TBC1D31: variants seen among roughly 807,000 people sequenced by gnomAD.
TBC1D31 encodes the protein TBC1 domain family member 31.
In TBC1D31, 99 loss-of-function variants were observed where a neutral mutation model predicts 132.9. That is an observed-to-expected ratio of 0.74 (90% CI 0.63 to 0.88). The LOEUF (loss-of-function observed/expected upper bound fraction) is 0.88. Among genes scored for constraint, TBC1D31 ranks in the 40% least tolerant of loss-of-function variants. TBC1D31 has a pLI of 0.00. For missense variants in TBC1D31, 1,134 were observed against 1,256.6 expected, an observed-to-expected ratio of 0.90 and a Z score of 1.48; for synonymous variants, 385 against 419.4, an observed-to-expected ratio of 0.92 and a Z score of 1.00.
intron 1 of TBC1D31, 39 bp downstream of exon 1, chr8:123,072,885 A>T (rs1032465209): frequency 1.0e-5 from 16 of 1,541,694 alleles, no homozygotes; most frequent in Non-Finnish European, 1.1e-5. Context: ...TGTGGAGGGG[A>T]TGGAGACCGG....
rs6994496 is a variant in TBC1D31 at position 123,087,228 on chromosome 8, T to C, written c.519+2888T>C. 3.7e-3 allele frequency among the ~76,000 whole-genome samples: 571 copies of C among 152,364 alleles called. 2 individuals are homozygous for C. The highest frequency in any genetic ancestry group is 0.013 in the African/African-American group (553 of 41,598). ...GGAAGGCCGTCTCCTTAACTCCCAC[T>C]GTCTTTTGGTTTTCAGGTTTTTTTT... On this transcript the variant is annotated intron_variant, in intron 4 of 21. Transcript: ENST00000287380.
chr8:123,147,255 C>T (rs1822310967), intron 20 of TBC1D31, among the ~76,000 whole-genome samples: 1 of 152,076 alleles, frequency 6.6e-6, no homozygotes, highest in Non-Finnish European at 1.5e-5. Context: ...TCACTGCAAC[C>T]TCCACCTCCT....
rs780472552 is a variant in TBC1D31 at position 123,082,730 on chromosome 8, G to A, written c.253G>A (p.Ala85Thr). 4.5e-5 allele frequency: 72 copies of A among 1,612,576 alleles called. No individual in the cohort carries two copies. The highest frequency in any genetic ancestry group is 5.3e-5 in the Non-Finnish European group (62 of 1,179,932). ...RFNLVQRTAQACTALAFNLRR... is the reference protein window; with the variant it reads ...RFNLVQRTAQTCTALAFNLRR... ...CAATCTTGTTCAGCGAACAGCACAA[G>A]CTTGCACAGCTCTGGCCTTTAATCT... The change falls in exon 3 of 22, where the codon GCT becomes ACT. Residue 85 changes from alanine to threonine, a missense_variant. Ala to Thr is a moderately conservative substitution (Grantham distance 58). Transcript: ENST00000287380.
At chr8:123,129,254 ATAAGTTAG>A in intron 15 of TBC1D31, 36 bp downstream of exon 15, 1 of 1,385,748 alleles carries the variant, frequency 7.2e-7, no homozygotes, top group Non-Finnish European at 9.6e-7. Context: ...ATCTGGACAT[ATAAGTTAG>A]TTGAATAATT....
At chr8:123,080,769 T>G (rs989542812) in intron 2 of TBC1D31, among the ~76,000 whole-genome samples, 1 of 152,136 alleles carries the variant, frequency 6.6e-6, no homozygotes, top group Non-Finnish European at 1.5e-5. Flanking sequence ...TCTCCTGACC[T>G]CGTGATCCGC....
the TBC1D31 span, among the ~76,000 whole-genome samples, chr8:123,159,278 A>G: frequency 1.7e-4 from 20 of 120,426 alleles, no homozygotes; most frequent in African/African-American, 3.5e-4. Context: ...GAAAAAAAAA[A>G]AAAAAGAAAA....
chr8:123,089,490 G>T (rs1224878457), intron 4 of TBC1D31, among the ~76,000 whole-genome samples: 1 of 152,200 alleles, frequency 6.6e-6, no homozygotes, highest in Non-Finnish European at 1.5e-5. Flanking sequence ...TAACACGCAG[G>T]CTGATTGCTT....
chr8:123,109,649 A>T, intron 10 of TBC1D31, 29 bp downstream of exon 10: 1 of 1,550,534 alleles, frequency 6.4e-7, no homozygotes. Flanking sequence ...AGCAATGTGT[A>T]TGAGACCTGT....
At chr8:123,084,441 T>C (rs1815505059) in intron 4 of TBC1D31, 101 bp downstream of exon 4, 2 of 1,169,074 alleles carry the variant, frequency 1.7e-6, no homozygotes, top group Admixed American at 4.5e-5. Flanking sequence ...ACTTTGTCCT[T>C]GTAGCTCTGT....
chr8:123,144,529 T>A (rs1416424266), intron 19 of TBC1D31, among the ~76,000 whole-genome samples, 188 bp from the exon 20 acceptor site: 1 of 152,230 alleles, frequency 6.6e-6, no homozygotes, highest in East Asian at 1.9e-4. Context: ...AACCTGCCTC[T>A]GCTTTCAAGG....
chr8:123,084,338 A>G lies in TBC1D31; in HGVS notation c.517A>G (p.Lys173Glu). 1.9e-6 allele frequency: 3 copies of G among 1,613,930 alleles called. No homozygotes were observed. The highest frequency in any genetic ancestry group is 2.5e-6 in the Non-Finnish European group (3 of 1,179,846). Residue 173 changes from lysine (K) to glutamate (E), a missense_variant and splice_region_variant, in exon 4 of 22, where the codon AAG becomes GAG. Physicochemically the swap from Lys to Glu is moderately conservative, Grantham distance 56 (BLOSUM62 1). Coordinates refer to ENST00000287380, the MANE Select transcript of TBC1D31 (RefSeq NM_145647.4). The part of the protein sequence containing the change: ...LNIRQSVGIQ[K>E]VFFLPLSNTI... ...TATTCGCCAGTCTGTGGGTATACAG[A>G]AGGTCAGTGAGGGGGTACATCTTGG...
At chr8:123,088,643 A>G (rs995603654) in intron 4 of TBC1D31, among the ~76,000 whole-genome samples, 1 of 152,180 alleles carries the variant, frequency 6.6e-6, no homozygotes, top group African/African-American at 2.4e-5. Flanking sequence ...TACTAAACTC[A>G]TATTTTTATT....
chr8:123,135,667 A>T (rs1821024014), intron 17 of TBC1D31, among the ~76,000 whole-genome samples: 2 of 152,232 alleles, frequency 1.3e-5, no homozygotes, highest in Admixed American at 1.3e-4. Flanking sequence ...TATATGTTTG[A>T]TATCCACATT....
intron 4 of TBC1D31, 100 bp downstream of exon 4, chr8:123,084,440 T>G: frequency 8.4e-7 from 1 of 1,192,280 alleles, no homozygotes; most frequent in Non-Finnish European, 1.2e-6. Context: ...CACTTTGTCC[T>G]TGTAGCTCTG....
At chr8:123,165,031 C>T in the TBC1D31 span, among the ~76,000 whole-genome samples, 836 of 152,288 alleles carry the variant, frequency 5.5e-3, 9 homozygotes, top group African/African-American at 0.019. Flanking sequence ...CAGATACACA[C>T]AGAGAGAAGA....
intron 11 of TBC1D31, chr8:123,123,318 A>G: frequency 6.2e-6 from 1 of 161,604 alleles, no homozygotes; most frequent in African/African-American, 2.4e-5. Flanking sequence ...TTCATCATGA[A>G]AGAAATGAAA....
At chr8:123,096,863 A>T (rs751218020) in intron 5 of TBC1D31, among the ~76,000 whole-genome samples, 7 of 152,174 alleles carry the variant, frequency 4.6e-5, no homozygotes, top group Non-Finnish European at 1.0e-4. Context: ...TGTTTTTTTC[A>T]TATAGCCATG....
At chr8:123,110,383 G>A (rs1046422539) in intron 10 of TBC1D31, among the ~76,000 whole-genome samples, 8 of 152,112 alleles carry the variant, frequency 5.3e-5, no homozygotes, top group African/African-American at 1.9e-4. Context: ...TGCTTTTCAT[G>A]TGTTAGGCAC....
At chr8:123,096,289 G>T (rs566079248) in intron 5 of TBC1D31, among the ~76,000 whole-genome samples, 1 of 151,674 alleles carries the variant, frequency 6.6e-6, no homozygotes, top group East Asian at 1.9e-4. Flanking sequence ...TCCTTAGTCT[G>T]CTCTAGCCAC....
Sources: allele counts gnomAD v4.1 joint callset (sites outside exome capture counted in the v4.1 genomes callset), GRCh38; gene constraint gnomAD v4.1.1; transcripts MANE v1.5; gene names NCBI Gene and HGNC (gene_info 2026-07-23, HGNC 2026-07-21).